Variants in TRPM7 observed in about 807,000 individuals in gnomAD.
TRPM7 encodes the protein transient receptor potential cation channel subfamily M member 7, also known as LTRPC ion channel family member 7.
A neutral mutation model predicts 229.7 loss-of-function variants in TRPM7; 134 were observed. That is an observed-to-expected ratio of 0.58 (90% CI 0.51 to 0.67). The LOEUF is 0.67. Ranked by LOEUF, TRPM7 falls within the 30% of genes least tolerant of loss-of-function variation. The pLI, the probability that TRPM7 is intolerant of heterozygous loss-of-function variation, is 0.00. For missense variants in TRPM7, 1,901 were observed against 2,210.0 expected, an observed-to-expected ratio of 0.86 and a Z score of 2.80; for synonymous variants, 699 against 715.2, an observed-to-expected ratio of 0.98 and a Z score of 0.36.
At chr15:50,615,017 T>C (rs984297029) in intron 13 of TRPM7, among the ~76,000 whole-genome samples, 1 of 151,506 alleles carries the variant, frequency 6.6e-6, no homozygotes, top group Non-Finnish European at 1.5e-5. Flanking sequence ...TAAAAAAATA[T>C]AAAATTAGAT....
At chr15:50,586,942 G>C (rs2059358448) in intron 27 of TRPM7, among the ~76,000 whole-genome samples, 1 of 152,262 alleles carries the variant, frequency 6.6e-6, no homozygotes, top group South Asian at 2.1e-4. Context: ...CTTGAACCCG[G>C]GAGGCGTAGG....
At chr15:50,621,848 G>A (rs1296482536) in intron 12 of TRPM7, among the ~76,000 whole-genome samples, 6 of 152,142 alleles carry the variant, frequency 3.9e-5, no homozygotes, top group Middle Eastern at 3.4e-3. Flanking sequence ...TGGCCAACAC[G>A]GTGAAACCTC....
intron 31 of TRPM7, among the ~76,000 whole-genome samples, chr15:50,576,851 A>G (rs1421327028): frequency 2.6e-5 from 4 of 152,254 alleles, no homozygotes; most frequent in Non-Finnish European, 5.9e-5. Context: ...CACACCTATC[A>G]TCATTAACAC....
chr15:50,645,149 C>T (rs1405874007), intron 4 of TRPM7, among the ~76,000 whole-genome samples: 1 of 152,006 alleles, frequency 6.6e-6, no homozygotes, highest in Non-Finnish European at 1.5e-5. Flanking sequence ...AAGTGATCTG[C>T]CCACCTCAGC....
intron 2 of TRPM7, among the ~76,000 whole-genome samples, chr15:50,658,767 T>G (rs2061651901): frequency 6.6e-6 from 1 of 152,126 alleles, no homozygotes; most frequent in South Asian, 2.1e-4. Context: ...ACGTATAAAA[T>G]GAAAATTGTA....
intron 19 of TRPM7, among the ~76,000 whole-genome samples, chr15:50,608,797 C>G (rs757313213): frequency 1.3e-5 from 2 of 152,144 alleles, no homozygotes; most frequent in Non-Finnish European, 2.9e-5. Flanking sequence ...TTTCCTATGA[C>G]GGGGAGTTAA....
chr15:50,578,599 T>C, intron 31 of TRPM7, 40 bp downstream of exon 31: 1 of 1,593,504 alleles, frequency 6.3e-7, no homozygotes, highest in Non-Finnish European at 8.6e-7. Flanking sequence ...TCATGTAAGA[T>C]TCTCATTTTT....
chr15:50,621,319 T>C (rs1020820775), intron 12 of TRPM7, among the ~76,000 whole-genome samples: 14 of 152,304 alleles, frequency 9.2e-5, no homozygotes, highest in African/African-American at 3.4e-4. Flanking sequence ...GGGAATTTCA[T>C]TGCATTTTTC....
chr15:50,561,856 G>A, intron 38 of TRPM7, 48 bp from the exon 39 acceptor site: 2 of 1,458,234 alleles, frequency 1.4e-6, no homozygotes, highest in East Asian at 2.5e-5. Flanking sequence ...AAAGAGAAAA[G>A]AAAAAAGTTA....
chr15:50,579,223 C>T (rs1200214162), intron 30 of TRPM7, among the ~76,000 whole-genome samples: 1 of 152,118 alleles, frequency 6.6e-6, no homozygotes, highest in African/African-American at 2.4e-5. Context: ...ACTAGACACA[C>T]AGGTAGAGTG....
intron 8 of TRPM7, among the ~76,000 whole-genome samples, chr15:50,634,043 G>C (rs2060813006): frequency 6.6e-6 from 1 of 152,158 alleles, no homozygotes; most frequent in Non-Finnish European, 1.5e-5. Flanking sequence ...AATGGGCCAG[G>C]CATGGTGGCT....
chr15:50,663,186 T>C lies in TRPM7; in HGVS notation c.4-140A>G, dbSNP rs1321282379. ...TCTTGTTGCCCAGACTGGAGAGCAATGGTGTGATCTTGGCTCACCACAACC... is the reference window on the plus strand; with the variant it reads ...TCTTGTTGCCCAGACTGGAGAGCAACGGTGTGATCTTGGCTCACCACAACC... On this transcript the variant is annotated intron_variant, in intron 1 of 38. Coordinates refer to ENST00000646667, the MANE Select transcript of TRPM7 (RefSeq NM_017672.6). The C allele has an allele frequency of 4.7e-6, 3 of 637,184 alleles. 1 individual carries two copies. The highest frequency in any genetic ancestry group is 2.7e-6 in the Non-Finnish European group (1 of 376,476). 39.5% of individuals were successfully genotyped at this position (637,184 alleles called of 1,614,324 possible). A position where few individuals can be genotyped will look rare whatever the true frequency, so the allele number is the denominator to read the frequency against.
chr15:50,569,350 G>A (rs879870011), intron 38 of TRPM7, among the ~76,000 whole-genome samples: 1 of 152,152 alleles, frequency 6.6e-6, no homozygotes, highest in Non-Finnish European at 1.5e-5. Context: ...TATATTTACA[G>A]TTCCTGTTCC....
rs776068644 is a variant in TRPM7, at chr15:50,624,340, T to G, written c.1306-40A>C. On this transcript the variant is annotated intron_variant, in intron 11 of 38. Coordinates refer to ENST00000646667, the MANE Select transcript of TRPM7 (RefSeq NM_017672.6). Reference sequence around the variant, plus strand: ...TTTAATAAATACATATTTCACATATTCTAATTATACAAACACTTTTAAATG... The same window carrying G: ...TTTAATAAATACATATTTCACATATGCTAATTATACAAACACTTTTAAATG... 4 of 1,505,472 alleles carry G rather than the reference T, an allele frequency of 2.7e-6. No homozygotes were observed. In the African/African-American group the frequency reaches 4.2e-5, roughly 16 times the overall value. 93.3% of individuals were successfully genotyped at this position (1,505,472 alleles called of 1,614,324 possible).
At chr15:50,630,802 G>C (rs944291050) in intron 10 of TRPM7, among the ~76,000 whole-genome samples, 1 of 152,102 alleles carries the variant, frequency 6.6e-6, no homozygotes, top group Non-Finnish European at 1.5e-5. Flanking sequence ...CTCCTGAACA[G>C]CTGGGACTAC....
Position 50,648,676 on chromosome 15 carries a change from A to G in TRPM7, c.321+11T>C. On this transcript the variant is annotated intron_variant, in intron 4 of 38. Transcript: ENST00000646667. ...CAACATAAATGAAGAAAAATCCAAT[A>G]TGTGACATACCTTAGCTCTGTAGGA... 6.4e-7 allele frequency: 1 copy of G among 1,574,460 alleles called. No homozygotes were observed.
At chr15:50,655,529 A>G (rs1596316520) in intron 3 of TRPM7, among the ~76,000 whole-genome samples, 1 of 152,108 alleles carries the variant, frequency 6.6e-6, no homozygotes, top group Non-Finnish European at 1.5e-5. Context: ...TACAAAGAGA[A>G]TCACTCTCAG....
Position 50,580,925 on chromosome 15 carries a change from A to G in TRPM7, c.4558-17T>C. ...TAACCAATCCTTCAGTAAAAAAAAAACACACACACACAAAAACCTTAAAGA... is the reference window on the plus strand; with the variant it reads ...TAACCAATCCTTCAGTAAAAAAAAAGCACACACACACAAAAACCTTAAAGA... On this transcript the variant is annotated splice_polypyrimidine_tract_variant and intron_variant, in intron 29 of 38. Coordinates refer to ENST00000646667, the MANE Select transcript of TRPM7 (RefSeq NM_017672.6). 2.0e-6 allele frequency: 3 copies of G among 1,532,502 alleles called. No homozygotes were observed. The highest frequency in any genetic ancestry group is 2.6e-6 in the Non-Finnish European group (3 of 1,153,058). The allele number at this position is 1,532,502 out of a possible 1,614,324, so 94.9% of individuals were successfully genotyped here. A position where few individuals can be genotyped will look rare whatever the true frequency, so the allele number is the denominator to read the frequency against.
Position 50,575,150 on chromosome 15 carries a change from GA to G in TRPM7, c.4736-16del, listed in dbSNP as rs752390016. On this transcript the variant is annotated splice_polypyrimidine_tract_variant and intron_variant, in intron 33 of 38. Coordinates refer to ENST00000646667, the MANE Select transcript of TRPM7 (RefSeq NM_017672.6). ...GACAGGCTCCCCTGCAACACAAATG[GA>G]AAAAGTTTAAGATTAAATTGTGACT... The G allele has an allele frequency of 1.3e-6, 2 of 1,536,632 alleles. No individual in the cohort carries two copies. Among genetic ancestry groups the G allele is most frequent in the South Asian group, 2.5e-5 (2 of 78,744 alleles).
Sources: allele counts gnomAD v4.1 joint callset (sites outside exome capture counted in the v4.1 genomes callset), GRCh38; gene constraint gnomAD v4.1.1; transcripts MANE v1.5; gene names NCBI Gene and HGNC (gene_info 2026-07-23, HGNC 2026-07-21).